CSMD1: variants seen among roughly 807,000 people sequenced by gnomAD.
CSMD1 encodes CUB and sushi domain-containing protein 1.
CSMD1 carries 213 observed loss-of-function variants against 417.5 expected under a neutral mutation model. The observed-to-expected ratio is 0.51, with a 90% confidence interval of 0.46 to 0.57. The LOEUF (loss-of-function observed/expected upper bound fraction) is 0.57, where lower values mean the gene tolerates loss of function less well. Among genes scored for constraint, CSMD1 ranks in the 20% least tolerant of loss-of-function variants. The probability of loss-of-function intolerance (pLI) is 0.00; values close to 1 mark genes in which losing one functional copy is unlikely to be tolerated. For missense variants in CSMD1, 6,923 were observed against 4,529.7 expected (o/e 1.53, Z -15.17); for synonymous variants, 2,862 against 1,736.8 (o/e 1.65, Z -16.11).
intron 18 of CSMD1, among the ~76,000 whole-genome samples, chr8:3,377,953 G>C (rs1357911942): frequency 6.6e-6 from 1 of 152,136 alleles, no homozygotes; most frequent in South Asian, 2.1e-4. Context: ...TAAAAGAATT[G>C]AGGTCAGAAA....
intron 3 of CSMD1, among the ~76,000 whole-genome samples, chr8:4,120,242 C>T (rs1802405487): frequency 6.6e-6 from 1 of 152,074 alleles, no homozygotes; most frequent in African/African-American, 2.4e-5. Context: ...GCCATGACTC[C>T]TGGGGCATAA....
At chr8:4,147,341 C>T (rs1192782342) in intron 3 of CSMD1, among the ~76,000 whole-genome samples, 8 of 152,196 alleles carry the variant, frequency 5.3e-5, no homozygotes, top group African/African-American at 1.9e-4. Context: ...GTCTATTGCG[C>T]CCCACCCTTC....
chr8:4,970,323 G>A (rs976840277), intron 1 of CSMD1, among the ~76,000 whole-genome samples: 1 of 152,086 alleles, frequency 6.6e-6, no homozygotes, highest in African/African-American at 2.4e-5. Flanking sequence ...AATGTGGCAA[G>A]GGGATGTGTA....
intron 1 of CSMD1, among the ~76,000 whole-genome samples, chr8:4,915,909 C>T (rs559360582): frequency 6.6e-6 from 1 of 152,290 alleles, no homozygotes; most frequent in South Asian, 2.1e-4. Flanking sequence ...AGGAGTGGCT[C>T]TTCATGGGGA....
chr8:4,557,451 T>G (rs1798145665), intron 2 of CSMD1, among the ~76,000 whole-genome samples: 1 of 151,542 alleles, frequency 6.6e-6, no homozygotes, highest in African/African-American at 2.4e-5. Context: ...TGAAATGAGA[T>G]GAAATACATT....
intron 5 of CSMD1, among the ~76,000 whole-genome samples, chr8:3,963,155 C>T (rs1490666603): frequency 6.6e-6 from 1 of 152,150 alleles, no homozygotes; most frequent in Non-Finnish European, 1.5e-5. Flanking sequence ...TTGACTCAAA[C>T]TCCTGACCTC....
chr8:3,462,921 G>A (rs1389533514), intron 12 of CSMD1, among the ~76,000 whole-genome samples: 3 of 152,130 alleles, frequency 2.0e-5, no homozygotes, highest in Non-Finnish European at 4.4e-5. Context: ...ACATGATGAG[G>A]GTGGAGCCCC....
At chr8:3,627,105 C>T (rs887513522) in intron 7 of CSMD1, among the ~76,000 whole-genome samples, 5 of 151,984 alleles carry the variant, frequency 3.3e-5, no homozygotes, top group African/African-American at 7.2e-5. Context: ...TGTAATTAAC[C>T]TATCAATAAC....
At chr8:3,752,925 A>G (rs1472014867) in intron 6 of CSMD1, among the ~76,000 whole-genome samples, 1 of 152,182 alleles carries the variant, frequency 6.6e-6, no homozygotes, top group East Asian at 1.9e-4. Flanking sequence ...GTAAGATAAC[A>G]GATATTTAGA....
chr8:4,367,832 A>AC (rs1406273912), intron 3 of CSMD1, among the ~76,000 whole-genome samples: 4 of 152,054 alleles, frequency 2.6e-5, no homozygotes, highest in Admixed American at 2.6e-4. Context: ...TTTAAATAGG[A>AC]TTGTGTTCTT....
chr8:4,348,442 G>C (rs1205898831), intron 3 of CSMD1, among the ~76,000 whole-genome samples: 1 of 152,140 alleles, frequency 6.6e-6, no homozygotes, highest in African/African-American at 2.4e-5. Flanking sequence ...CAGAATATTA[G>C]GCCTTTCTGA....
chr8:3,554,942 G>C lies in CSMD1; in HGVS notation c.1344+20003C>G, dbSNP rs79362439. ...GCAGCCACACAGGGCAAGTGGGTCAGGGGTGTTAAAGAGAAGCCCAGACAC... is the reference window on the plus strand; with the variant it reads ...GCAGCCACACAGGGCAAGTGGGTCACGGGTGTTAAAGAGAAGCCCAGACAC... On this transcript the variant is annotated intron_variant, in intron 10 of 69. Transcript: ENST00000635120. 6.6e-4 allele frequency among the ~76,000 whole-genome samples: 101 copies of C among 152,132 alleles called. 1 individual carries two copies. The East Asian group carries it at 0.017, about 25-fold the overall frequency.
At chr8:4,410,351 C>T (rs917090773) in intron 3 of CSMD1, among the ~76,000 whole-genome samples, 2 of 152,132 alleles carry the variant, frequency 1.3e-5, no homozygotes, top group East Asian at 1.9e-4. Flanking sequence ...GACTGGGAAA[C>T]TGCATGGAAC....
At chr8:4,854,591 C>T (rs1013473717) in intron 1 of CSMD1, among the ~76,000 whole-genome samples, 2 of 152,292 alleles carry the variant, frequency 1.3e-5, no homozygotes, top group African/African-American at 2.4e-5. Context: ...CGAGGCATTG[C>T]CTCACTTGGG....
chr8:4,016,327 G>A (rs1181164863), intron 4 of CSMD1, among the ~76,000 whole-genome samples: 2 of 152,072 alleles, frequency 1.3e-5, no homozygotes, highest in South Asian at 2.1e-4. Context: ...ATTAACTACT[G>A]ACCAACTGAC....
At chr8:4,195,943 G>A (rs1415496556) in intron 3 of CSMD1, among the ~76,000 whole-genome samples, 10 of 152,070 alleles carry the variant, frequency 6.6e-5, no homozygotes, top group Admixed American at 6.5e-5. Context: ...CGGGCGCGGT[G>A]GCTCACGCCT....
intron 2 of CSMD1, among the ~76,000 whole-genome samples, chr8:4,445,379 TCAA>T: frequency 6.6e-6 from 1 of 152,210 alleles, no homozygotes; most frequent in Non-Finnish European, 1.5e-5. Flanking sequence ...TTTGAGGAGC[TCAA>T]CAAATTCTAT....
At chr8:3,764,291 T>C (rs534630463) in intron 5 of CSMD1, among the ~76,000 whole-genome samples, 41 of 152,308 alleles carry the variant, frequency 2.7e-4, no homozygotes, top group Admixed American at 4.6e-4. Flanking sequence ...AACCCTGGTG[T>C]CTCTCCTTGT....
At chr8:3,522,936 T>C (rs1797567981) in intron 10 of CSMD1, among the ~76,000 whole-genome samples, 1 of 150,708 alleles carries the variant, frequency 6.6e-6, no homozygotes, top group Admixed American at 6.6e-5. Context: ...TATATTTATA[T>C]ATTGACAAAT....
Sources: allele counts gnomAD v4.1 joint callset (sites outside exome capture counted in the v4.1 genomes callset), GRCh38; gene constraint gnomAD v4.1.1; transcripts MANE v1.5; gene names NCBI Gene and HGNC (gene_info 2026-07-23, HGNC 2026-07-21).